The following HMG20A variants were observed in gnomAD, a reference collection of about 807,000 sequenced individuals.
The protein encoded by HMG20A is high mobility group 20A, also known as high mobility group protein 20A.
HMG20A carries 17 observed loss-of-function variants against 43.9 expected under a neutral mutation model. That is an observed-to-expected ratio of 0.39 (90% CI 0.27 to 0.58). The LOEUF (loss-of-function observed/expected upper bound fraction) is 0.58. Among genes scored for constraint, HMG20A ranks in the 20% least tolerant of loss-of-function variants. The pLI is 0.59. For synonymous variants in HMG20A, 132 were observed against 147.5 expected (o/e 0.89, Z 0.76); for missense variants, 341 against 438.2 (o/e 0.78, Z 1.98).
chr15:77,425,999 TGAAA>T lies in HMG20A; in HGVS notation c.-5+4999_-5+5002del, dbSNP rs539277150. On this transcript the variant is annotated intron_variant, in intron 1 of 9. Coordinates refer to ENST00000336216, the MANE Select transcript of HMG20A (RefSeq NM_001304504.2). ...TGGATAAAACTTGAAAATATTAAAG[TGAAA>T]GAAGTCACATACAAAAGGCAACCTA... is the stretch of plus-strand genomic sequence containing the variant. Among the ~76,000 whole-genome samples the T allele has an allele frequency of 2.0e-4, 31 of 152,266 alleles. 1 individual carries two copies. The South Asian group carries it at 5.6e-3, about 27-fold the overall frequency.
chr15:77,438,580 T>C (rs2073575643), intron 1 of HMG20A, among the ~76,000 whole-genome samples: 1 of 152,196 alleles, frequency 6.6e-6, no homozygotes, highest in South Asian at 2.1e-4. Flanking sequence ...AGCTTGGGTT[T>C]GCTTTCTCCA....
chr15:77,430,667 A>C (rs893935059), intron 1 of HMG20A, among the ~76,000 whole-genome samples: 3 of 152,228 alleles, frequency 2.0e-5, no homozygotes, highest in Non-Finnish European at 2.9e-5. Flanking sequence ...ATCTCCAGGT[A>C]GCTAGTTCTT....
intron 1 of HMG20A, among the ~76,000 whole-genome samples, chr15:77,449,935 C>G (rs778951717): frequency 4.6e-5 from 7 of 151,738 alleles, no homozygotes; most frequent in Non-Finnish European, 1.0e-4. Flanking sequence ...CCTAAAAATG[C>G]CGTGTTCCAC....
chr15:77,447,950 G>A (rs1303463394), intron 1 of HMG20A: 2 of 152,172 alleles, frequency 1.3e-5, no homozygotes, highest in African/African-American at 4.8e-5. Flanking sequence ...GTTAGTACAA[G>A]TCACCCTTTT....
the HMG20A span, among the ~76,000 whole-genome samples, chr15:77,514,653 C>A: frequency 6.6e-6 from 1 of 152,002 alleles, no homozygotes. Context: ...GGGAGGCAGG[C>A]CCTGATACTA....
rs755764606 is a variant in HMG20A at position 77,458,443 on chromosome 15, C to A, written c.36C>A (p.Pro12=). The change falls in exon 2 of 10, where the codon CCC becomes CCA. Residue 12 remains proline, a synonymous_variant. Coordinates refer to ENST00000336216, the MANE Select transcript of HMG20A (RefSeq NM_001304504.2). ...TGATGACTAGCTCCACCCTACCGCCCCTTTTTGCAGATGAAGACGGTTCCA... is the reference window on the plus strand; with the variant it reads ...TGATGACTAGCTCCACCCTACCGCCACTTTTTGCAGATGAAGACGGTTCCA... ...ENLMTSSTLP[P]LFADEDGSKE... is the part of the protein sequence containing the mutation. 1 of 1,613,478 alleles carries A rather than the reference C, an allele frequency of 6.2e-7. No homozygotes were observed. Among genetic ancestry groups the A allele is most frequent in the Admixed American group, 1.7e-5 (1 of 59,978 alleles).
chr15:77,448,958 G>A (rs139547231), intron 1 of HMG20A, among the ~76,000 whole-genome samples: 13 of 152,220 alleles, frequency 8.5e-5, no homozygotes, highest in East Asian at 1.9e-4. Context: ...GGCTGAGGCC[G>A]AGAATTGCTT....
chr15:77,447,285 C>G (rs2073684677), intron 1 of HMG20A, among the ~76,000 whole-genome samples: 1 of 152,178 alleles, frequency 6.6e-6, no homozygotes, highest in Non-Finnish European at 1.5e-5. Context: ...AAAGGCAACA[C>G]TCTGCTTGTA....
chr15:77,486,720 T>TG (rs1287405951), downstream of HMG20A, among the ~76,000 whole-genome samples: 1 of 152,224 alleles, frequency 6.6e-6, no homozygotes, highest in Non-Finnish European at 1.5e-5. Context: ...AGTCTTGATT[T>TG]GTTTCAACTC....
intron 2 of HMG20A, among the ~76,000 whole-genome samples, chr15:77,461,176 G>C (rs1302602456): frequency 6.6e-6 from 1 of 152,126 alleles, no homozygotes; most frequent in Non-Finnish European, 1.5e-5. Context: ...GGTAAGATGG[G>C]GGCTGAGAAA....
At chr15:77,448,688 C>G (rs529999062) in intron 1 of HMG20A, among the ~76,000 whole-genome samples, 1 of 152,138 alleles carries the variant, frequency 6.6e-6, no homozygotes, top group African/African-American at 2.4e-5. Context: ...TGCTGTATTC[C>G]CAATGCATAG....
chr15:77,478,621 A>T, intron 8 of HMG20A, 111 bp downstream of exon 8: 1 of 774,890 alleles, frequency 1.3e-6, no homozygotes, highest in Non-Finnish European at 2.1e-6. Context: ...CCTCCAGAGG[A>T]AAATTAATTA....
In HMG20A at chr15:77,484,988, A is replaced by G. The variant is rs904467055; in HGVS notation, c.*2025A>G. 2.0e-5 allele frequency: 3 copies of G among 152,244 alleles called. No homozygotes were observed. Among genetic ancestry groups the G allele is most frequent in the African/African-American group, 4.8e-5 (2 of 41,460 alleles). 9.4% of individuals were successfully genotyped at this position (152,244 alleles called of 1,614,324 possible). On this transcript the variant is annotated 3_prime_UTR_variant, in exon 10 of 10. Transcript: ENST00000336216. The stretch of plus-strand genomic sequence containing the variant: ...TTTTGTGACCAGAAAAGGCCATAAC[A>G]TGGTCCAGGATCATCATTCTTCTGA...
intron 1 of HMG20A, among the ~76,000 whole-genome samples, chr15:77,454,325 A>G (rs1052591882): frequency 6.6e-6 from 1 of 152,124 alleles, no homozygotes; most frequent in Non-Finnish European, 1.5e-5. Flanking sequence ...AACCTTGTAA[A>G]TATATTAAAA....
chr15:77,484,043 C>G lies in HMG20A; in HGVS notation c.*1080C>G, dbSNP rs1387289557. 2 of 152,312 alleles carry G rather than the reference C, an allele frequency of 1.3e-5. No individual in the cohort carries two copies. Among genetic ancestry groups the G allele is most frequent in the East Asian group, 3.9e-4 (2 of 5,188 alleles). The allele number at this position is 152,312 out of a possible 1,614,324, so 9.4% of individuals were successfully genotyped here. A position where few individuals can be genotyped will look rare whatever the true frequency, so the allele number is the denominator to read the frequency against. On this transcript the variant is annotated 3_prime_UTR_variant, in exon 10 of 10. Transcript: ENST00000336216. The stretch of plus-strand genomic sequence containing the variant: ...GAATCCATGTGAGGAAGACAGGCTT[C>G]CCTTCCTTCCCCCTCCTTAGTGATT...
chr15:77,512,382 A>C, the HMG20A span, among the ~76,000 whole-genome samples: 2 of 152,186 alleles, frequency 1.3e-5, no homozygotes, highest in Non-Finnish European at 2.9e-5. Flanking sequence ...GGTACACTAA[A>C]GCTGTTAAGA....
chr15:77,440,859 C>T (rs2073604759), intron 1 of HMG20A, among the ~76,000 whole-genome samples: 1 of 152,254 alleles, frequency 6.6e-6, no homozygotes, highest in East Asian at 1.9e-4. Flanking sequence ...TCACAGTAAA[C>T]ATTTGTAAGT....
the HMG20A span, among the ~76,000 whole-genome samples, chr15:77,511,311 G>A: frequency 6.6e-6 from 1 of 152,060 alleles, no homozygotes; most frequent in Non-Finnish European, 1.5e-5. Context: ...ACATTCCTTG[G>A]CTCTGGACAC....
At chr15:77,502,723 T>G in the HMG20A span, among the ~76,000 whole-genome samples, 4 of 152,242 alleles carry the variant, frequency 2.6e-5, no homozygotes, top group East Asian at 7.7e-4. Flanking sequence ...ATCCCAGCAC[T>G]TCGAGAGGCC....
Sources: gnomAD v4.1 joint callset for allele counts (sites outside exome capture counted in the v4.1 genomes callset) on GRCh38, gnomAD v4.1.1 for gene constraint, MANE v1.5 for transcripts, NCBI Gene and HGNC (gene_info 2026-07-23, HGNC 2026-07-21) for gene names.